FRMD4A: variants seen among roughly 807,000 people sequenced by gnomAD.
FRMD4A encodes FERM domain containing 4A.
A neutral mutation model predicts 129.1 loss-of-function variants in FRMD4A; 29 were observed. The observed-to-expected ratio is 0.22, with a 90% CI of 0.17 to 0.31. FRMD4A has a LOEUF of 0.31. FRMD4A is among the 10% of genes least tolerant of loss of function. The pLI is 1.00. For missense variants in FRMD4A, 1,272 were observed against 1,375.8 expected (o/e 0.92, Z 1.19); for synonymous variants, 634 against 571.6 (o/e 1.11, Z -1.56).
chr10:14,042,924 CAAAAAAAAAAA>C lies in FRMD4A; in HGVS notation c.46-184023_46-184013del, dbSNP rs57492155. On this transcript the variant is annotated intron_variant, in intron 2 of 24. Coordinates refer to ENST00000357447, the MANE Select transcript of FRMD4A (RefSeq NM_018027.5). ...TGGGTGATAGAGCAAGACTCCATCT[CAAAAAAAAAAA>C]AAAAAAAAAAAAAAGAAATTCATTT... is the stretch of plus-strand genomic sequence containing the variant. Among the ~76,000 whole-genome samples the C allele has an allele frequency of 4.8e-5, 3 of 62,800 alleles. No individual in the cohort carries two copies. In the Admixed American group the frequency reaches 6.4e-4, roughly 13 times the overall value. The allele number at this position is 62,800 out of a possible 152,430, so 41.2% of individuals were successfully genotyped here. A position where few individuals can be genotyped will look rare whatever the true frequency, so the allele number is the denominator to read the frequency against.
intron 9 of FRMD4A, 30 bp downstream of exon 9, chr10:13,747,706 C>T (rs772351806): frequency 1.2e-5 from 15 of 1,223,290 alleles, no homozygotes; most frequent in South Asian, 1.2e-4. Flanking sequence ...GAGAGGGACT[C>T]GCTCCTGGGG....
At chr10:14,048,863 A>G (rs192329375) in intron 2 of FRMD4A, among the ~76,000 whole-genome samples, 12 of 136,040 alleles carry the variant, frequency 8.8e-5, no homozygotes, top group Non-Finnish European at 1.5e-4. Context: ...AATAGAATAG[A>G]ATAGAATAGA....
rs116761842 is a variant in FRMD4A at position 13,849,429 on chromosome 10, A to T, written c.111+9418T>A. Among the ~76,000 whole-genome samples, 1,375 of 151,916 alleles carry T rather than the reference A, an allele frequency of 9.1e-3. 20 individuals carry two copies. Among genetic ancestry groups the T allele is most frequent in the African/African-American group, 0.032 (1,332 of 41,416 alleles). ...TCAACTCCATATTCTCTGCTTGGCA[A>T]CATGCACTTTGGGGGGGATTCCTGC... On this transcript the variant is annotated intron_variant, in intron 3 of 24. Transcript: ENST00000357447.
chr10:13,996,056 G>A (rs560272063), intron 2 of FRMD4A, among the ~76,000 whole-genome samples: 1 of 152,176 alleles, frequency 6.6e-6, no homozygotes, highest in Non-Finnish European at 1.5e-5. Context: ...CAGATTCGGT[G>A]CCTGGGGAGC....
At chr10:13,843,939 AT>A (rs1482349857) in intron 3 of FRMD4A, among the ~76,000 whole-genome samples, 1 of 152,212 alleles carries the variant, frequency 6.6e-6, no homozygotes, top group Non-Finnish European at 1.5e-5. Flanking sequence ...ACTGCATTTA[AT>A]TCCACCAATT....
At chr10:14,176,618 G>A (rs1841738579) in intron 2 of FRMD4A, among the ~76,000 whole-genome samples, 2 of 151,822 alleles carry the variant, frequency 1.3e-5, no homozygotes, top group South Asian at 4.2e-4. Flanking sequence ...GGGATTATAG[G>A]CACGCACCAC....
At chr10:13,709,025 C>T (rs1032599615) in intron 12 of FRMD4A, among the ~76,000 whole-genome samples, 3 of 152,094 alleles carry the variant, frequency 2.0e-5, no homozygotes, top group African/African-American at 4.8e-5. Flanking sequence ...TGCAGTGTCA[C>T]GATCTCGGCT....
intron 2 of FRMD4A, among the ~76,000 whole-genome samples, chr10:13,996,212 G>T (rs1356885658): frequency 6.6e-6 from 1 of 152,216 alleles, no homozygotes; most frequent in Non-Finnish European, 1.5e-5. Flanking sequence ...TTAGGGGATA[G>T]GATTTCAATA....
intron 2 of FRMD4A, chr10:14,007,465 T>C (rs2095666127): frequency 6.6e-6 from 1 of 152,374 alleles, no homozygotes; most frequent in Non-Finnish European, 1.5e-5. Flanking sequence ...GGGGCTTCCA[T>C]AAAGTAAACA....
At chr10:13,687,165 G>A (rs2085164293) in intron 15 of FRMD4A, among the ~76,000 whole-genome samples, 1 of 152,086 alleles carries the variant, frequency 6.6e-6, no homozygotes. Context: ...TGTGGTGGTG[G>A]GCAACTGTAG....
chr10:14,296,599 A>G (rs1047092668), intron 2 of FRMD4A, among the ~76,000 whole-genome samples: 1 of 152,222 alleles, frequency 6.6e-6, no homozygotes, highest in South Asian at 2.1e-4. Flanking sequence ...TCCTTAATAT[A>G]AAAATGCTAA....
intron 2 of FRMD4A, among the ~76,000 whole-genome samples, chr10:14,045,541 T>C (rs1409623968): frequency 1.3e-5 from 2 of 151,314 alleles, no homozygotes; most frequent in Non-Finnish European, 2.9e-5. Flanking sequence ...TGTATCGTTA[T>C]TGAATAATAT....
At chr10:14,226,546 G>T (rs1282422768) in intron 2 of FRMD4A, among the ~76,000 whole-genome samples, 1 of 152,126 alleles carries the variant, frequency 6.6e-6, no homozygotes, top group Admixed American at 6.5e-5. Context: ...ATACTGGAAG[G>T]ATCCCTTATA....
At chr10:14,174,670 A>C (rs1564363365) in intron 2 of FRMD4A, among the ~76,000 whole-genome samples, 3 of 152,058 alleles carry the variant, frequency 2.0e-5, no homozygotes. Context: ...AAAGCTGAAA[A>C]AGAAATCCCA....
At chr10:13,944,232 C>G (rs1050254074) in intron 2 of FRMD4A, among the ~76,000 whole-genome samples, 1 of 152,138 alleles carries the variant, frequency 6.6e-6, no homozygotes, top group African/African-American at 2.4e-5. Flanking sequence ...CTCACATTAC[C>G]ACCTGGGCTC....
intron 12 of FRMD4A, 132 bp from the exon 13 acceptor site, chr10:13,707,245 C>T (rs1281589936): frequency 3.7e-5 from 29 of 781,146 alleles, no homozygotes; most frequent in Middle Eastern, 3.6e-4. Context: ...GTGCCTCCTC[C>T]GCCTCTTGCT....
chr10:13,660,690 C>T, intron 19 of FRMD4A, 137 bp from the exon 20 acceptor site: 1 of 600,018 alleles, frequency 1.7e-6, no homozygotes, highest in Admixed American at 3.0e-5. Context: ...ATGAGAAACC[C>T]TGAAACTCTT....
chr10:13,834,574 C>G (rs533627846), intron 3 of FRMD4A, among the ~76,000 whole-genome samples: 2 of 152,146 alleles, frequency 1.3e-5, no homozygotes, highest in African/African-American at 4.8e-5. Context: ...GAAAGCCTGA[C>G]GTTAGAAAGA....
chr10:14,208,718 G>C (rs1049828281), intron 2 of FRMD4A, among the ~76,000 whole-genome samples: 8 of 152,138 alleles, frequency 5.3e-5, no homozygotes, highest in Non-Finnish European at 1.0e-4. Context: ...ACAAGGAAGG[G>C]GAGACTGAGA....
Sources: allele counts gnomAD v4.1 joint callset (sites outside exome capture counted in the v4.1 genomes callset), GRCh38; gene constraint gnomAD v4.1.1; transcripts MANE v1.5; gene names NCBI Gene and HGNC (gene_info 2026-07-23, HGNC 2026-07-21).